Variants in DENND2B observed in about 807,000 individuals in gnomAD.
DENND2B encodes DENN domain-containing protein 2B.
A neutral mutation model predicts 116.0 loss-of-function variants in DENND2B; 32 were observed. That is an observed-to-expected ratio of 0.28 (90% CI 0.21 to 0.37). The LOEUF is 0.37. Ranked by LOEUF, DENND2B falls within the 10% of genes least tolerant of loss-of-function variation. The probability of loss-of-function intolerance (pLI) is 1.00; values close to 1 mark genes in which losing one functional copy is unlikely to be tolerated. For missense variants in DENND2B, 1,276 were observed against 1,477.7 expected (o/e 0.86, Z 2.24); for synonymous variants, 588 against 583.9 (o/e 1.01, Z -0.10).
At chr11:8,892,437 A>G (rs1230047742) in intron 1 of DENND2B, among the ~76,000 whole-genome samples, 3 of 152,196 alleles carry the variant, frequency 2.0e-5, no homozygotes, top group Non-Finnish European at 4.4e-5. Context: ...AAAAACCTTC[A>G]AAAAATCAAT....
intron 1 of DENND2B, among the ~76,000 whole-genome samples, chr11:8,903,254 T>C (rs1354068580): frequency 6.6e-6 from 1 of 151,910 alleles, no homozygotes; most frequent in African/African-American, 2.4e-5. Context: ...CTCTACTAAA[T>C]ATACAAAAAT....
At chr11:8,849,280 G>A (rs1049327087) in intron 3 of DENND2B, among the ~76,000 whole-genome samples, 6 of 151,718 alleles carry the variant, frequency 4.0e-5, no homozygotes, top group African/African-American at 1.5e-4. Flanking sequence ...ATAGCCTGAG[G>A]TAAGGAGTTC....
At chr11:8,822,276 A>G (rs1420426387) in intron 4 of DENND2B, among the ~76,000 whole-genome samples, 1 of 152,240 alleles carries the variant, frequency 6.6e-6, no homozygotes, top group Non-Finnish European at 1.5e-5. Flanking sequence ...ATATACTAAT[A>G]CACTGTGAAA....
chr11:8,832,238 G>A (rs1319130890), intron 4 of DENND2B, among the ~76,000 whole-genome samples: 1 of 152,062 alleles, frequency 6.6e-6, no homozygotes, highest in Admixed American at 6.5e-5. Context: ...GGATCACAAG[G>A]TCAAGAGATC....
At position 8,850,642 on chromosome 11, in the gene DENND2B, C is replaced by A. The variant is rs188464891; in HGVS notation, c.-156+6701G>T. On this transcript the variant is annotated intron_variant, in intron 3 of 6. Coordinates refer to the DENND2B transcript ENST00000524757. ...ATTTCTCAACAAATTAAAAATAGAA[C>A]TATCATATGATCCAGCAATCTCACT... 1.1e-4 allele frequency among the ~76,000 whole-genome samples: 16 copies of A among 152,282 alleles called. No individual in the cohort carries two copies. In the East Asian group the frequency reaches 3.1e-3, roughly 29 times the overall value.
intron 3 of DENND2B, among the ~76,000 whole-genome samples, chr11:8,848,019 C>T (rs2062871936): frequency 6.6e-6 from 1 of 152,096 alleles, no homozygotes; most frequent in Non-Finnish European, 1.5e-5. Context: ...AAATCATCAA[C>T]CAGAGACTAC....
chr11:8,821,399 G>A (rs1204202044), intron 4 of DENND2B, among the ~76,000 whole-genome samples: 1 of 150,876 alleles, frequency 6.6e-6, no homozygotes, highest in African/African-American at 2.4e-5. Flanking sequence ...GACCAGCCTG[G>A]GCAACATAGA....
At chr11:8,789,978 A>G (rs2059241155) in intron 1 of DENND2B, among the ~76,000 whole-genome samples, 1 of 152,136 alleles carries the variant, frequency 6.6e-6, no homozygotes, top group Admixed American at 6.5e-5. Flanking sequence ...GGACACTGGT[A>G]AATCCAGCCT....
At chr11:8,775,013 C>T (rs564538371) in intron 1 of DENND2B, among the ~76,000 whole-genome samples, 12 of 151,888 alleles carry the variant, frequency 7.9e-5, no homozygotes, top group African/African-American at 2.9e-4. Context: ...CCTGAGTAGC[C>T]GGGATTACAG....
intron 4 of DENND2B, among the ~76,000 whole-genome samples, chr11:8,825,827 A>G (rs913729794): frequency 6.6e-6 from 1 of 152,216 alleles, no homozygotes; most frequent in Non-Finnish European, 1.5e-5. Context: ...ATATGAGTCA[A>G]CTGATGAGCA....
upstream of DENND2B, chr11:8,811,046 G>C: frequency 2.7e-6 from 1 of 370,470 alleles, no homozygotes; most frequent in Non-Finnish European, 4.8e-6. Context: ...TTATAACTTG[G>C]AAGAATCCCT....
chr11:8,728,389 T>C (rs2047499940), intron 3 of DENND2B, among the ~76,000 whole-genome samples: 1 of 152,208 alleles, frequency 6.6e-6, no homozygotes, highest in Admixed American at 6.5e-5. Context: ...CTACTCCTCA[T>C]GGAACATGTT....
At chr11:8,701,065 G>A (rs1265663729) in intron 14 of DENND2B, among the ~76,000 whole-genome samples, 3 of 152,110 alleles carry the variant, frequency 2.0e-5, no homozygotes, top group African/African-American at 7.2e-5. Context: ...GGGATTACAG[G>A]CGTGAGCCAC....
chr11:8,867,833 T>C (rs1293552934), intron 2 of DENND2B, among the ~76,000 whole-genome samples: 2 of 152,164 alleles, frequency 1.3e-5, no homozygotes, highest in African/African-American at 4.8e-5. Flanking sequence ...TCTGCCTGCC[T>C]CTGCCTCCCA....
At chr11:8,700,066 G>A (rs6483727) in intron 14 of DENND2B, 8 of 357,846 alleles carry the variant, frequency 2.2e-5, no homozygotes, top group Non-Finnish European at 4.5e-5. Flanking sequence ...AGCTGGCCTG[G>A]GGGGGGGCAG....
chr11:8,728,102 C>T (rs986196990), intron 3 of DENND2B, among the ~76,000 whole-genome samples: 1 of 152,026 alleles, frequency 6.6e-6, no homozygotes, highest in African/African-American at 2.4e-5. Flanking sequence ...CTCCTGGGCT[C>T]AAGCTATCCT....
chr11:8,707,060 G>C lies in DENND2B; in HGVS notation c.2571+25C>G, dbSNP rs1330015709. 1 of 1,604,012 alleles carries C rather than the reference G, an allele frequency of 6.2e-7. No homozygotes were observed. The highest frequency in any genetic ancestry group is 1.1e-5 in the South Asian group (1 of 89,646). On this transcript the variant is annotated intron_variant, in intron 13 of 19. Transcript: ENST00000313726. This position sits in a 1 kb window ranked among gnomAD's most constrained non-coding sequence, Gnocchi z 4.8. ...CCTGCCACCCCAGCCCGTAGCCCGAGAGAAGAGGGTGCAGAAATCCCTACC... is the reference window on the plus strand; with the variant it reads ...CCTGCCACCCCAGCCCGTAGCCCGACAGAAGAGGGTGCAGAAATCCCTACC...
chr11:8,811,052 T>C, upstream of DENND2B: 1 of 375,828 alleles, frequency 2.7e-6, no homozygotes, highest in Non-Finnish European at 4.7e-6. Context: ...CTTGGAAGAA[T>C]CCCTGCCAGG....
chr11:8,699,551 T>C (rs2041111458), intron 14 of DENND2B, among the ~76,000 whole-genome samples, 161 bp from the exon 15 acceptor site: 1 of 152,164 alleles, frequency 6.6e-6, no homozygotes, highest in Non-Finnish European at 1.5e-5. Flanking sequence ...GCTTTCCCAC[T>C]GCGTAGCGCC....
Sources: allele counts gnomAD v4.1 joint callset (sites outside exome capture counted in the v4.1 genomes callset), GRCh38; gene constraint gnomAD v4.1.1; non-coding constraint Gnocchi (gnomAD v3.1); transcripts MANE v1.5; gene names NCBI Gene and HGNC (gene_info 2026-07-23, HGNC 2026-07-21).